Variants in DOK6 observed in about 807,000 individuals in gnomAD.
The protein encoded by DOK6 is downstream of tyrosine kinase 6.
In DOK6, 22 loss-of-function variants were observed where a neutral mutation model predicts 44.0. The observed-to-expected ratio is 0.50, with a 90% confidence interval of 0.36 to 0.71. The LOEUF is 0.71. Among genes scored for constraint, DOK6 ranks in the 30% least tolerant of loss-of-function variants. The pLI, the probability that DOK6 is intolerant of heterozygous loss-of-function variation, is 0.00. For missense variants in DOK6, 340 were observed against 416.4 expected (o/e 0.82, Z 1.60); for synonymous variants, 166 against 145.5 (o/e 1.14, Z -1.01).
chr18:69,456,012 G>C (rs1320028253), intron 1 of DOK6, among the ~76,000 whole-genome samples: 23 of 152,072 alleles, frequency 1.5e-4, no homozygotes, highest in Admixed American at 1.5e-3. Flanking sequence ...CTTCAAATTT[G>C]TTTGAAATAT....
Position 69,844,121 on chromosome 18 carries a change from G to A in DOK6, c.*2738G>A, listed in dbSNP as rs911549807. ...AGATGTATACCACTCGCTTGGGCTC[G>A]TAGGTTTTTGACTGGGGATGCCTCT... On this transcript the variant is annotated 3_prime_UTR_variant, in exon 8 of 8. Transcript: ENST00000382713. The A allele has an allele frequency of 2.6e-5, 4 of 152,084 alleles. No homozygotes were observed. The highest frequency in any genetic ancestry group is 7.2e-5 in the African/African-American group (3 of 41,406). The allele number at this position is 152,084 out of a possible 1,614,324, so 9.4% of individuals were successfully genotyped here.
chr18:69,575,727 A>C (rs1180871488), intron 2 of DOK6, among the ~76,000 whole-genome samples: 1 of 152,196 alleles, frequency 6.6e-6, no homozygotes, highest in Non-Finnish European at 1.5e-5. Flanking sequence ...ACTCCTAAGG[A>C]AATAGTAATA....
intron 3 of DOK6, among the ~76,000 whole-genome samples, chr18:69,615,270 T>G (rs538554642): frequency 1.2e-4 from 19 of 152,332 alleles, no homozygotes; most frequent in African/African-American, 4.6e-4. Context: ...TTACATGGTC[T>G]GTGGGCAAAC....
intron 5 of DOK6, among the ~76,000 whole-genome samples, chr18:69,708,100 G>A (rs1485179580): frequency 6.6e-6 from 1 of 152,116 alleles, no homozygotes; most frequent in Admixed American, 6.5e-5. Context: ...AAAACCAGGA[G>A]TGTTTTCTAT....
chr18:69,472,647 G>A (rs1478112684), intron 1 of DOK6, among the ~76,000 whole-genome samples: 5 of 151,886 alleles, frequency 3.3e-5, no homozygotes, highest in Non-Finnish European at 7.4e-5. Context: ...CCCTCATCAG[G>A]AGAATTGAAA....
At chr18:69,811,573 TATATCAAA>T (rs1981237389) in intron 7 of DOK6, among the ~76,000 whole-genome samples, 1 of 14,144 alleles carries the variant, frequency 7.1e-5, no homozygotes, top group African/African-American at 1.2e-4. Context: ...TATATATATA[TATATCAAA>T]ACACTACGTT....
At chr18:69,764,658 T>C (rs1381713675) in intron 7 of DOK6, among the ~76,000 whole-genome samples, 1 of 152,214 alleles carries the variant, frequency 6.6e-6, no homozygotes, top group Non-Finnish European at 1.5e-5. Flanking sequence ...CTTTTCTTTA[T>C]AAATTACTCA....
intron 1 of DOK6, among the ~76,000 whole-genome samples, chr18:69,409,024 C>T (rs1232765107): frequency 6.6e-6 from 1 of 152,080 alleles, no homozygotes; most frequent in African/African-American, 2.4e-5. Context: ...CCCATAATCC[C>T]CACGTGTCAT....
chr18:69,611,048 C>CA (rs1207287197), intron 3 of DOK6, among the ~76,000 whole-genome samples: 1 of 149,164 alleles, frequency 6.7e-6, no homozygotes, highest in South Asian at 2.2e-4. Flanking sequence ...AAAAGGCAAC[C>CA]AAAAAAAGAA....
chr18:69,492,271 G>C (rs1459018419), intron 1 of DOK6, among the ~76,000 whole-genome samples: 1 of 152,140 alleles, frequency 6.6e-6, no homozygotes, highest in Non-Finnish European at 1.5e-5. Flanking sequence ...CATACACAAT[G>C]TAAAATAATG....
chr18:69,447,360 G>T (rs1469105513), intron 1 of DOK6, among the ~76,000 whole-genome samples: 1 of 152,138 alleles, frequency 6.6e-6, no homozygotes, highest in Admixed American at 6.6e-5. Flanking sequence ...AGATTAGATG[G>T]TTGTAGATGT....
intron 1 of DOK6, chr18:69,469,732 GCAGGACACGAGAGGC>G: frequency 3.6e-6 from 1 of 277,222 alleles, no homozygotes; most frequent in Non-Finnish European, 7.4e-6. Flanking sequence ...ACATGAGAGG[GCAGGACACGAGAGGC>G]CAGGACGCCA....
intron 3 of DOK6, among the ~76,000 whole-genome samples, chr18:69,646,991 AATCT>A (rs1027599835): frequency 1.6e-4 from 24 of 151,916 alleles, no homozygotes; most frequent in Admixed American, 9.2e-4. Context: ...CTAGCTATCT[AATCT>A]ATCTATCTAA....
chr18:69,621,038 T>C, intron 3 of DOK6, among the ~76,000 whole-genome samples: 1 of 151,182 alleles, frequency 6.6e-6, no homozygotes, highest in East Asian at 1.9e-4. Flanking sequence ...GTTATCTATA[T>C]CTACTTGAAT....
intron 1 of DOK6, among the ~76,000 whole-genome samples, chr18:69,406,606 A>G (rs953115766): frequency 2.6e-5 from 4 of 152,190 alleles, no homozygotes; most frequent in African/African-American, 9.7e-5. Flanking sequence ...GAAAACAAAG[A>G]TAATACTCAG....
In DOK6 at chr18:69,608,063, G is replaced by A. The variant is rs527823727; in HGVS notation, c.289+8565G>A. Among the ~76,000 whole-genome samples the A allele has an allele frequency of 3.3e-5, 5 of 152,162 alleles. No individual in the cohort carries two copies. In the South Asian group the frequency reaches 1.0e-3, roughly 32 times the overall value. On this transcript the variant is annotated intron_variant, in intron 3 of 7. Transcript: ENST00000382713. ...GAAGACTTAAATTATAAAATTGTTA[G>A]AGATATAAAAAATCAAAATGATAAT...
chr18:69,724,257 A>G (rs1978295617), intron 5 of DOK6, among the ~76,000 whole-genome samples: 2 of 152,216 alleles, frequency 1.3e-5, no homozygotes, highest in Admixed American at 1.3e-4. Flanking sequence ...AAAACTTTTT[A>G]TGATGGAGTT....
intron 3 of DOK6, among the ~76,000 whole-genome samples, chr18:69,629,652 T>TA (rs924071619): frequency 6.6e-6 from 1 of 152,216 alleles, no homozygotes; most frequent in Non-Finnish European, 1.5e-5. Context: ...GGACTGTTTT[T>TA]ATCTTAACAG....
At chr18:69,485,140 C>A (rs1263321567) in intron 1 of DOK6, among the ~76,000 whole-genome samples, 1 of 152,048 alleles carries the variant, frequency 6.6e-6, no homozygotes, top group Non-Finnish European at 1.5e-5. Flanking sequence ...TTTGCACATC[C>A]CTTTGGGATT....
Sources: gnomAD v4.1 joint callset for allele counts (sites outside exome capture counted in the v4.1 genomes callset) on GRCh38, gnomAD v4.1.1 for gene constraint, MANE v1.5 for transcripts, NCBI Gene and HGNC (gene_info 2026-07-23, HGNC 2026-07-21) for gene names.